SLC9A9: variants seen among roughly 807,000 people sequenced by gnomAD.
SLC9A9 encodes solute carrier family 9 member A9.
Under a neutral mutation model 77.8 loss-of-function variants are expected in SLC9A9, and 62 were observed. The observed-to-expected ratio is 0.80, with a 90% CI of 0.65 to 0.98. The LOEUF is 0.98. SLC9A9 is among the 50% of genes least tolerant of loss of function. The pLI, the probability that SLC9A9 is intolerant of heterozygous loss-of-function variation, is 0.00. For synonymous variants in SLC9A9, 320 were observed against 283.5 expected (o/e 1.13, Z -1.29); for missense variants, 775 against 774.9 (o/e 1.00, Z 0.00).
At position 143,574,135 on chromosome 3, in the gene SLC9A9, A is replaced by C; in HGVS notation, c.953T>G (p.Leu318Arg). The C allele has an allele frequency of 3.7e-6, 6 of 1,613,658 alleles. No individual in the cohort carries two copies. Among genetic ancestry groups the C allele is most frequent in the Non-Finnish European group, 3.4e-6 (4 of 1,179,684 alleles). ...AGACAGGAAGGCACTCCAAGAAAGC[A>C]GGAAAAACAGGCCGGTTTCCAGCAT... is the stretch of plus-strand genomic sequence containing the variant. ...FPMLETGLFF[L>R]LSWSAFLSAE... Residue 318 changes from leucine (L) to arginine (R), a missense_variant, in exon 8 of 16, where the codon CTG becomes CGG. Leu to Arg is a moderately radical substitution (Grantham distance 102). Transcript: ENST00000316549.
chr3:143,324,297 C>T (rs1409768762), intron 14 of SLC9A9, among the ~76,000 whole-genome samples: 1 of 152,160 alleles, frequency 6.6e-6, no homozygotes, highest in East Asian at 1.9e-4. Context: ...CCTCTCCATT[C>T]CCACAGCACA....
intron 9 of SLC9A9, among the ~76,000 whole-genome samples, chr3:143,516,813 A>G (rs1424863441): frequency 3.3e-5 from 5 of 152,300 alleles, no homozygotes; most frequent in Admixed American, 3.3e-4. Flanking sequence ...TTTGTACAGG[A>G]TTACTTTTAA....
intron 5 of SLC9A9, among the ~76,000 whole-genome samples, chr3:143,666,462 A>C (rs1441528522): frequency 6.6e-6 from 1 of 152,218 alleles, no homozygotes; most frequent in South Asian, 2.1e-4. Flanking sequence ...CCTATTCAAC[A>C]TAGTGTTGGA....
intron 2 of SLC9A9, chr3:143,811,787 G>A (rs769174701): frequency 1.9e-4 from 85 of 448,060 alleles, no homozygotes; most frequent in African/African-American, 1.5e-3. Context: ...GCATGAACCC[G>A]GGAGGCAGAG....
chr3:143,668,093 A>G lies in SLC9A9; in HGVS notation c.650-15733T>C, dbSNP rs183047458. 3.8e-3 allele frequency among the ~76,000 whole-genome samples: 574 copies of G among 152,248 alleles called. 7 individuals are homozygous for G. Among genetic ancestry groups the G allele is most frequent in the African/African-American group, 0.013 (544 of 41,556 alleles). On this transcript the variant is annotated intron_variant, in intron 5 of 15. Transcript: ENST00000316549. ...CTTGGAACCAACCCAAATGTCCATCAATGATAGACTAGATTAAGGAAATGT... is the reference window on the plus strand; with the variant it reads ...CTTGGAACCAACCCAAATGTCCATCGATGATAGACTAGATTAAGGAAATGT...
At chr3:143,535,063 A>C (rs2036570942) in intron 9 of SLC9A9, among the ~76,000 whole-genome samples, 1 of 152,224 alleles carries the variant, frequency 6.6e-6, no homozygotes. Context: ...TTGGGTGGAC[A>C]ACAGAAATTA....
chr3:143,782,811 G>A (rs2007924454), intron 4 of SLC9A9, among the ~76,000 whole-genome samples: 1 of 152,190 alleles, frequency 6.6e-6, no homozygotes, highest in Non-Finnish European at 1.5e-5. Context: ...GCTAAGCCTA[G>A]CAGGGAACAT....
chr3:143,748,184 A>G (rs1935240674), intron 4 of SLC9A9, among the ~76,000 whole-genome samples: 1 of 152,220 alleles, frequency 6.6e-6, no homozygotes. Flanking sequence ...ATGTTTCTTT[A>G]GCTGTCTGGT....
intron 4 of SLC9A9, among the ~76,000 whole-genome samples, chr3:143,712,584 AT>A (rs560869588): frequency 0.034 from 5,205 of 152,094 alleles, 290 homozygotes; most frequent in African/African-American, 0.12. Context: ...CTTTTCCTCC[AT>A]TTTTTGTCCA....
chr3:143,806,051 A>G (rs887659242), intron 2 of SLC9A9, among the ~76,000 whole-genome samples: 1 of 151,610 alleles, frequency 6.6e-6, no homozygotes, highest in Non-Finnish European at 1.5e-5. Context: ...ACTTCTCTTT[A>G]TCCTTTATTC....
chr3:143,585,001 G>A (rs1015944619), intron 6 of SLC9A9, among the ~76,000 whole-genome samples: 3 of 152,188 alleles, frequency 2.0e-5, no homozygotes, highest in South Asian at 2.1e-4. Context: ...CTTTATGGGC[G>A]TAACTGCTTG....
chr3:143,457,067 G>T (rs1272512257), intron 12 of SLC9A9, among the ~76,000 whole-genome samples: 1 of 152,082 alleles, frequency 6.6e-6, no homozygotes, highest in Non-Finnish European at 1.5e-5. Context: ...TGTTGCCAAG[G>T]CTGGAGTGCA....
chr3:143,720,933 G>T (rs1327764902), intron 4 of SLC9A9, among the ~76,000 whole-genome samples: 1 of 151,582 alleles, frequency 6.6e-6, no homozygotes, highest in African/African-American at 2.4e-5. Context: ...ATGGTTAAAA[G>T]AACAAAGTCC....
At chr3:143,715,046 C>A (rs1934299631) in intron 4 of SLC9A9, among the ~76,000 whole-genome samples, 1 of 152,208 alleles carries the variant, frequency 6.6e-6, no homozygotes, top group Non-Finnish European at 1.5e-5. Context: ...TAAGACGTGA[C>A]TTGTTCCTCC....
intron 12 of SLC9A9, among the ~76,000 whole-genome samples, chr3:143,395,179 T>C (rs1305939838): frequency 1.3e-5 from 2 of 152,274 alleles, no homozygotes; most frequent in East Asian, 3.9e-4. Context: ...GGAGGCATCA[T>C]GCTACATGAC....
intron 4 of SLC9A9, among the ~76,000 whole-genome samples, chr3:143,730,321 AAAC>A (rs1278458113): frequency 6.6e-6 from 1 of 152,198 alleles, no homozygotes; most frequent in Non-Finnish European, 1.5e-5. Context: ...TACAGGATCT[AAAC>A]AAAGTTAACT....
At chr3:143,679,315 AG>A (rs1442143474) in intron 5 of SLC9A9, among the ~76,000 whole-genome samples, 2 of 151,856 alleles carry the variant, frequency 1.3e-5, no homozygotes, top group East Asian at 3.9e-4. Flanking sequence ...GGAGTTGATA[AG>A]AACAGGTAGA....
chr3:143,638,203 T>G (rs930305854), intron 6 of SLC9A9, among the ~76,000 whole-genome samples: 1 of 152,168 alleles, frequency 6.6e-6, no homozygotes, highest in East Asian at 1.9e-4. Context: ...GGGTAAGAAT[T>G]TAATTTAATG....
chr3:143,630,909 C>A (rs1392896877), intron 6 of SLC9A9, among the ~76,000 whole-genome samples: 1 of 152,038 alleles, frequency 6.6e-6, no homozygotes, highest in Non-Finnish European at 1.5e-5. Flanking sequence ...CACAAGAAGT[C>A]TTTTTCCAGC....
Sources: gnomAD v4.1 joint callset for allele counts (sites outside exome capture counted in the v4.1 genomes callset) on GRCh38, gnomAD v4.1.1 for gene constraint, MANE v1.5 for transcripts, NCBI Gene and HGNC (gene_info 2026-07-23, HGNC 2026-07-21) for gene names.